Variants in ASH1L observed in about 807,000 individuals in gnomAD.
ASH1L encodes the protein ASH1 like histone lysine methyltransferase, also known as histone-lysine N-methyltransferase ASH1L.
Under a neutral mutation model 269.0 loss-of-function variants are expected in ASH1L, and 23 were observed. The observed-to-expected ratio is 0.09, with a 90% CI of 0.06 to 0.12. The LOEUF (loss-of-function observed/expected upper bound fraction) is 0.12. Among genes scored for constraint, ASH1L ranks in the 10% least tolerant of loss-of-function variants. The probability of loss-of-function intolerance (pLI) is 1.00; values close to 1 mark genes in which losing one functional copy is unlikely to be tolerated. For missense variants in ASH1L, 2,912 were observed against 3,567.8 expected (o/e 0.82, Z 4.68); for synonymous variants, 1,187 against 1,253.5 (o/e 0.95, Z 1.12).
At chr1:155,545,185 A>AAG (rs1461205225) in intron 1 of ASH1L, among the ~76,000 whole-genome samples, 2 of 146,442 alleles carry the variant, frequency 1.4e-5, no homozygotes, top group East Asian at 3.9e-4. Context: ...CAAAAAAAAA[A>AAG]AAAAAAAAAA....
chr1:155,461,905 T>G (rs547103029), intron 3 of ASH1L, among the ~76,000 whole-genome samples: 1 of 151,920 alleles, frequency 6.6e-6, no homozygotes, highest in Non-Finnish European at 1.5e-5. Flanking sequence ...TTCAAGTGTT[T>G]CTCTTGCCTC....
chr1:155,468,137 G>C (rs1399431996), intron 3 of ASH1L, among the ~76,000 whole-genome samples: 1 of 151,766 alleles, frequency 6.6e-6, no homozygotes, highest in Non-Finnish European at 1.5e-5. Flanking sequence ...TCTCTGTTCT[G>C]TAAAAGCTTC....
intron 3 of ASH1L, among the ~76,000 whole-genome samples, chr1:155,476,606 C>T (rs1357228937): frequency 6.6e-6 from 1 of 150,870 alleles, no homozygotes; most frequent in Non-Finnish European, 1.5e-5. Flanking sequence ...GGCTGAAGTG[C>T]AGTGGTGCTA....
intron 4 of ASH1L, among the ~76,000 whole-genome samples, chr1:155,452,290 C>T (rs529426035): frequency 2.6e-5 from 4 of 152,006 alleles, no homozygotes; most frequent in South Asian, 2.1e-4. Flanking sequence ...CTGCCCACCT[C>T]GGCCGCCCAA....
chr1:155,437,136 C>T (rs1318417783), intron 5 of ASH1L, among the ~76,000 whole-genome samples: 3 of 151,996 alleles, frequency 2.0e-5, no homozygotes, highest in African/African-American at 4.8e-5. Flanking sequence ...AAATTTTGTA[C>T]GTCAAAAGAC....
intron 1 of ASH1L, among the ~76,000 whole-genome samples, chr1:155,559,827 A>G (rs927874978): frequency 1.3e-5 from 2 of 152,192 alleles, no homozygotes; most frequent in African/African-American, 2.4e-5. Context: ...AGTGTTTGTT[A>G]TAACTAAGCT....
intron 3 of ASH1L, among the ~76,000 whole-genome samples, chr1:155,470,775 C>T (rs1665038709): frequency 6.6e-6 from 1 of 152,006 alleles, no homozygotes; most frequent in African/African-American, 2.4e-5. Context: ...TGATCTCGAA[C>T]TCCTAACCTC....
chr1:155,438,260 A>G (rs1662254750), intron 5 of ASH1L, 67 bp downstream of exon 5: 3 of 1,425,326 alleles, frequency 2.1e-6, no homozygotes, highest in African/African-American at 2.9e-5. Context: ...ATTCAGCTAT[A>G]GAGTTACATT....
chr1:155,427,275 C>T (rs1477851267), intron 5 of ASH1L, among the ~76,000 whole-genome samples: 1 of 151,428 alleles, frequency 6.6e-6, no homozygotes, highest in Non-Finnish European at 1.5e-5. Context: ...GCTGGGATTA[C>T]AGGCATGCAG....
chr1:155,444,197 G>T (rs1662821000), intron 4 of ASH1L, among the ~76,000 whole-genome samples: 1 of 152,030 alleles, frequency 6.6e-6, no homozygotes, highest in African/African-American at 2.4e-5. Context: ...GGCCAGGCTG[G>T]TCTCGAATTC....
Position 155,378,602 on chromosome 1 carries a change from G to A in ASH1L, c.6178-54C>T, listed in dbSNP as rs565655927. On this transcript the variant is annotated intron_variant, in intron 8 of 27. Transcript: ENST00000392403. ...TAGCATTTAACTTCAAATGCCAGAC[G>A]GCAGCATCAATCACTAAAAATACAG... is the stretch of plus-strand genomic sequence containing the variant. 1.5e-4 allele frequency: 211 copies of A among 1,392,542 alleles called. 2 individuals are homozygous for A. The East Asian group carries it at 4.1e-3, about 27-fold the overall frequency. 86.3% of individuals were successfully genotyped at this position (1,392,542 alleles called of 1,614,324 possible).
chr1:155,374,287 T>C (rs1339280298), intron 10 of ASH1L, among the ~76,000 whole-genome samples: 1 of 151,900 alleles, frequency 6.6e-6, no homozygotes, highest in South Asian at 2.1e-4. Context: ...ATGGTGCCAC[T>C]GCACTCCAGC....
chr1:155,411,582 A>AACATATATATATATATATATATATAT (rs1553253313), intron 6 of ASH1L, among the ~76,000 whole-genome samples: 1 of 48,414 alleles, frequency 2.1e-5, no homozygotes, highest in African/African-American at 8.0e-5. Context: ...TAAATAAATA[A>AACATATATATATATATATATATATAT]ATAAATATAT....
chr1:155,438,720 T>C lies in ASH1L; in HGVS notation c.5435A>G (p.Asn1812Ser), dbSNP rs370348263. 2 of 1,614,068 alleles carry C rather than the reference T, an allele frequency of 1.2e-6. No homozygotes were observed. Among genetic ancestry groups the C allele is most frequent in the South Asian group, 1.1e-5 (1 of 91,076 alleles). ...CTTTGTGGCCAAGATTTTGTCGTAA[T>C]TGCACATTTTCCGAGCTTGGCGTTG... Reference protein sequence around the residue: ...AMQRQARKMCNYDKILATKKN... With the variant: ...AMQRQARKMCSYDKILATKKN... The change falls in exon 5 of 28, where the codon AAT becomes AGT. Residue 1812 changes from asparagine to serine, a missense_variant. Physicochemically the swap from Asn to Ser is conservative, Grantham distance 46. This residue lies in a region of ASH1L where 789 missense variants were observed against 897.6 expected (regional missense o/e 0.88). Coordinates refer to ENST00000392403, the MANE Select transcript of ASH1L (RefSeq NM_018489.3).
At chr1:155,377,134 C>T (rs751528668) in intron 10 of ASH1L, among the ~76,000 whole-genome samples, 1 of 151,734 alleles carries the variant, frequency 6.6e-6, no homozygotes, top group Non-Finnish European at 1.5e-5. Flanking sequence ...CTTGAACTCC[C>T]GACCTCAGGT....
intron 17 of ASH1L, 69 bp downstream of exon 17, chr1:155,352,637 T>A: frequency 2.1e-6 from 3 of 1,451,074 alleles, no homozygotes; most frequent in South Asian, 1.5e-5. Flanking sequence ...AGACCCTATC[T>A]CTATTTATTT....
At chr1:155,418,595 T>C (rs576049097) in intron 5 of ASH1L, among the ~76,000 whole-genome samples, 1 of 152,146 alleles carries the variant, frequency 6.6e-6, no homozygotes, top group East Asian at 1.9e-4. Context: ...TGATGTAACA[T>C]TCACAAAATA....
chr1:155,480,455 A>T lies in ASH1L; in HGVS notation c.2415T>A (p.Ala805=). ...ACATACTGGAGGATAGTTTGTGAGT[A>T]GCAAAAGACTTATGAGATGGTTTTT... ...DSEKPSHKSF[A]THKLSSSMCV... Residue 805 remains alanine (A), a synonymous_variant, in exon 3 of 28, where the codon GCT becomes GCA. Transcript: ENST00000392403. The T allele has an allele frequency of 6.2e-7, 1 of 1,614,152 alleles. No homozygotes were observed. Among genetic ancestry groups the T allele is most frequent in the Non-Finnish European group, 8.5e-7 (1 of 1,179,968 alleles).
At chr1:155,511,642 A>C (rs1027603760) in intron 2 of ASH1L, among the ~76,000 whole-genome samples, 1 of 152,106 alleles carries the variant, frequency 6.6e-6, no homozygotes. Flanking sequence ...AGTCACTGGG[A>C]CTACAGGCGT....
Sources: allele counts gnomAD v4.1 joint callset (sites outside exome capture counted in the v4.1 genomes callset), GRCh38; gene constraint gnomAD v4.1.1; regional missense constraint gnomAD v4.1.1; transcripts MANE v1.5; gene names NCBI Gene and HGNC (gene_info 2026-07-23, HGNC 2026-07-21).